Variants in PIK3C2G observed in about 807,000 individuals in gnomAD.
PIK3C2G encodes the protein phosphatidylinositol 3-kinase C2 domain-containing subunit gamma.
Under a neutral mutation model 181.1 loss-of-function variants are expected in PIK3C2G, and 168 were observed. The observed-to-expected ratio is 0.93, with a 90% confidence interval of 0.82 to 1.05. The LOEUF is 1.05. PIK3C2G is among the 50% of genes least tolerant of loss of function. PIK3C2G has a pLI of 0.00. For missense variants in PIK3C2G, 1,869 were observed against 1,732.8 expected, an observed-to-expected ratio of 1.08 and a Z score of -1.40; for synonymous variants, 573 against 592.2, an observed-to-expected ratio of 0.97 and a Z score of 0.47.
downstream of PIK3C2G, chr12:18,648,429 TCTGTAA>T: frequency 4.8e-6 from 1 of 207,362 alleles, no homozygotes; most frequent in Non-Finnish European, 9.9e-6. Flanking sequence ...TCTAGGTATA[TCTGTAA>T]TCAATTTTTA....
intron 18 of PIK3C2G, among the ~76,000 whole-genome samples, chr12:18,427,545 A>T (rs933158844): frequency 6.6e-6 from 1 of 151,264 alleles, no homozygotes; most frequent in African/African-American, 2.4e-5. Flanking sequence ...TAAAAATATA[A>T]TAAAATATTA....
At chr12:18,664,843 T>C in the PIK3C2G span, among the ~76,000 whole-genome samples, 2 of 151,670 alleles carry the variant, frequency 1.3e-5, no homozygotes, top group East Asian at 3.9e-4. Flanking sequence ...AATGATGAGT[T>C]CATGTCCTTT....
the PIK3C2G span, chr12:18,713,019 C>A: frequency 6.2e-7 from 1 of 1,612,306 alleles, no homozygotes; most frequent in Non-Finnish European, 8.5e-7. Flanking sequence ...AAATGTTACT[C>A]CTGGACCATT....
intron 5 of PIK3C2G, among the ~76,000 whole-genome samples, chr12:18,295,306 T>C (rs1949890907): frequency 6.6e-6 from 1 of 151,922 alleles, no homozygotes; most frequent in South Asian, 2.1e-4. Context: ...AGGAAAGCAT[T>C]TTAGTAAATT....
At position 18,594,536 on chromosome 12, in the gene PIK3C2G, C is replaced by T. The variant is rs374305963; in HGVS notation, c.4054C>T (p.Gln1352Ter). The T allele has an allele frequency of 3.1e-5, 48 of 1,553,586 alleles. No homozygotes were observed. The African/African-American group carries it at 4.1e-4, about 13-fold the overall frequency. ...LSFFLSEAVQQTVEESSPVYL... is the reference protein window; with the variant it reads ...LSFFLSEAVQ Reference sequence around the variant, plus strand: ...CTTTTTCCTCTCTGAGGCTGTGCAACAAACAGTTGAAGAATCATCACCTGT... The same window carrying T: ...CTTTTTCCTCTCTGAGGCTGTGCAATAAACAGTTGAAGAATCATCACCTGT... The change falls in exon 30 of 33, where the codon CAA (glutamine) becomes TAA (stop). Residue 1352 changes from glutamine (Q) to a stop codon, truncating the protein, a stop_gained. Transcript: ENST00000538779. LOFTEE classifies it high-confidence loss of function.
At chr12:18,454,116 T>C (rs912531820) in intron 18 of PIK3C2G, among the ~76,000 whole-genome samples, 1 of 152,194 alleles carries the variant, frequency 6.6e-6, no homozygotes, top group African/African-American at 2.4e-5. Context: ...ATTCAGCAGT[T>C]ATTTAATGAA....
chr12:18,377,994 T>C (rs566523141), intron 13 of PIK3C2G, among the ~76,000 whole-genome samples: 2 of 152,246 alleles, frequency 1.3e-5, no homozygotes, highest in East Asian at 3.9e-4. Flanking sequence ...GTAGCTGGGA[T>C]ATAACAGGCA....
intron 29 of PIK3C2G, among the ~76,000 whole-genome samples, chr12:18,588,878 T>G (rs953335761): frequency 6.6e-6 from 1 of 152,114 alleles, no homozygotes; most frequent in Non-Finnish European, 1.5e-5. Flanking sequence ...GAAGAAAATA[T>G]GGCACATATA....
chr12:18,374,205 C>T (rs1592096884), intron 13 of PIK3C2G, among the ~76,000 whole-genome samples: 1 of 152,092 alleles, frequency 6.6e-6, no homozygotes, highest in South Asian at 2.1e-4. Context: ...GCCTGAGCAC[C>T]AGTATTTTCA....
rs567573137 is a variant in PIK3C2G, at chr12:18,354,129, G to A, written c.1625+7293G>A. ...GGGTTTGCTTTCAAAGTAACATAACGTCTTTCTAGGAGAGTTCAAATACTT... is the reference window on the plus strand; with the variant it reads ...GGGTTTGCTTTCAAAGTAACATAACATCTTTCTAGGAGAGTTCAAATACTT... On this transcript the variant is annotated intron_variant, in intron 11 of 32. Transcript: ENST00000538779. Among the ~76,000 whole-genome samples, 4 of 152,358 alleles carry A rather than the reference G, an allele frequency of 2.6e-5. No individual in the cohort carries two copies. The East Asian group carries it at 5.8e-4, about 22-fold the overall frequency.
chr12:18,287,021 A>G (rs1461277250), intron 3 of PIK3C2G, 92 bp downstream of exon 3: 3 of 518,098 alleles, frequency 5.8e-6, no homozygotes, highest in Non-Finnish European at 9.7e-6. Context: ...TTTTGCATAT[A>G]AAAGTCAAAG....
At chr12:18,317,011 C>CTTTTTTT (rs756099726) in intron 6 of PIK3C2G, among the ~76,000 whole-genome samples, 4 of 117,220 alleles carry the variant, frequency 3.4e-5, no homozygotes, top group East Asian at 2.4e-4. Flanking sequence ...AGTCTTGATT[C>CTTTTTTT]TTTTTTTTTT....
Position 18,367,035 on chromosome 12 carries a change from T to C in PIK3C2G, c.1749-4145T>C, listed in dbSNP as rs1307341258. ...ACTTATATAATTTCTTTCATTCTTG[T>C]TATAAAAAAAGCTCACTAACAAGTG... On this transcript the variant is annotated intron_variant, in intron 12 of 32. Coordinates refer to ENST00000538779, the MANE Select transcript of PIK3C2G (RefSeq NM_001288772.2). Among the ~76,000 whole-genome samples, 12 of 152,148 alleles carry C rather than the reference T, an allele frequency of 7.9e-5. No homozygotes were observed. The East Asian group carries it at 9.6e-4, about 12-fold the overall frequency.
chr12:18,257,838 GA>G (rs1565525520), upstream of PIK3C2G, among the ~76,000 whole-genome samples: 1 of 120,316 alleles, frequency 8.3e-6, no homozygotes, highest in Non-Finnish European at 1.8e-5. Flanking sequence ...AAAGAGAAAG[GA>G]AAAGAAAGAG....
chr12:18,343,641 T>A (rs941876256), intron 10 of PIK3C2G, among the ~76,000 whole-genome samples: 1 of 152,076 alleles, frequency 6.6e-6, no homozygotes, highest in African/African-American at 2.4e-5. Context: ...ATAAAAATTA[T>A]AATACTGAAA....
the PIK3C2G span, among the ~76,000 whole-genome samples, chr12:18,712,275 G>T: frequency 6.6e-6 from 1 of 152,082 alleles, no homozygotes; most frequent in Non-Finnish European, 1.5e-5. Flanking sequence ...AACATTGAGG[G>T]ATTGCAAAAA....
chr12:18,436,869 A>G (rs150389309), intron 18 of PIK3C2G, among the ~76,000 whole-genome samples: 1 of 152,156 alleles, frequency 6.6e-6, no homozygotes, highest in East Asian at 1.9e-4. Flanking sequence ...GTTGTTTTGT[A>G]CTGATTTAAA....
At chr12:18,310,557 A>G (rs10505811) in intron 5 of PIK3C2G, among the ~76,000 whole-genome samples, 14,128 of 151,930 alleles carry the variant, frequency 0.093, 738 homozygotes, top group South Asian at 0.12. Flanking sequence ...GAAGTCATAT[A>G]AAGCTCTAAA....
Position 18,567,037 on chromosome 12 carries a change from G to A in PIK3C2G, c.3991G>A (p.Val1331Ile), listed in dbSNP as rs1443187096. Residue 1331 changes from valine (V) to isoleucine (I), a missense_variant, in exon 29 of 33, where the codon GTA becomes ATA. Coordinates refer to ENST00000538779, the MANE Select transcript of PIK3C2G (RefSeq NM_001288772.2). ...TCATTACATGGAACAGATATTAAAT[G>A]TATCACATGAAGTTACAAACGTATG... ...LNHYMEQILN[V>I]SHEVTNSDCV... The A allele has an allele frequency of 1.4e-6, 2 of 1,456,664 alleles. No homozygotes were observed. Among genetic ancestry groups the A allele is most frequent in the African/African-American group, 1.4e-5 (1 of 71,332 alleles). 90.2% of individuals were successfully genotyped at this position (1,456,664 alleles called of 1,614,324 possible).
Sources: gnomAD v4.1 joint callset for allele counts (sites outside exome capture counted in the v4.1 genomes callset) on GRCh38, gnomAD v4.1.1 for gene constraint, MANE v1.5 for transcripts, NCBI Gene and HGNC (gene_info 2026-07-23, HGNC 2026-07-21) for gene names.